Variants in DDX10 observed in about 807,000 individuals in gnomAD.
The protein encoded by DDX10 is DEAD-box helicase 10, also known as probable ATP-dependent RNA helicase DDX10.
Under a neutral mutation model 104.3 loss-of-function variants are expected in DDX10, and 74 were observed. The observed-to-expected ratio is 0.71, with a 90% confidence interval of 0.59 to 0.86. The LOEUF is 0.86. DDX10 is among the 40% of genes least tolerant of loss of function. The pLI is 0.00. For synonymous variants in DDX10, 351 were observed against 353.4 expected, an observed-to-expected ratio of 0.99 and a Z score of 0.08; for missense variants, 952 against 1,040.0, an observed-to-expected ratio of 0.92 and a Z score of 1.16.
At chr11:108,680,322 C>T (rs1187564315) in intron 6 of DDX10, among the ~76,000 whole-genome samples, 2 of 152,182 alleles carry the variant, frequency 1.3e-5, no homozygotes, top group Non-Finnish European at 2.9e-5. Flanking sequence ...TCAAACAATC[C>T]TCCTGCTTCA....
At chr11:108,697,364 G>A (rs1407707605) in intron 9 of DDX10, among the ~76,000 whole-genome samples, 1 of 151,460 alleles carries the variant, frequency 6.6e-6, no homozygotes, top group East Asian at 1.9e-4. Flanking sequence ...TTAAAATCCT[G>A]TGTATTTGGC....
intron 13 of DDX10, among the ~76,000 whole-genome samples, chr11:108,818,352 A>G (rs1862282465): frequency 6.6e-6 from 1 of 152,216 alleles, no homozygotes; most frequent in South Asian, 2.1e-4. Context: ...ATAGCTGACC[A>G]TAGTAACTAT....
chr11:108,937,690 T>C (rs1316061972), intron 17 of DDX10, among the ~76,000 whole-genome samples: 2 of 152,314 alleles, frequency 1.3e-5, no homozygotes, highest in Non-Finnish European at 2.9e-5. Flanking sequence ...TTGTATGATA[T>C]GTCCTTTAAA....
At chr11:108,758,102 C>A (rs2094346670) in intron 13 of DDX10, among the ~76,000 whole-genome samples, 1 of 151,930 alleles carries the variant, frequency 6.6e-6, no homozygotes, top group Admixed American at 6.6e-5. Flanking sequence ...CATCCCCCTG[C>A]TCAACTGTTT....
At chr11:108,678,497 A>T in intron 5 of DDX10, 62 bp downstream of exon 5, 1 of 1,384,916 alleles carries the variant, frequency 7.2e-7, no homozygotes, top group Non-Finnish European at 9.6e-7. Flanking sequence ...GAGAGCCCTT[A>T]TACATTTTTA....
chr11:108,666,727 C>T (rs758607350), intron 1 of DDX10, among the ~76,000 whole-genome samples: 5 of 152,168 alleles, frequency 3.3e-5, no homozygotes, highest in African/African-American at 4.8e-5. Context: ...ATCTCTGTTC[C>T]TCTGTTATAA....
At chr11:108,696,473 G>A (rs557634348) in intron 9 of DDX10, among the ~76,000 whole-genome samples, 2 of 151,988 alleles carry the variant, frequency 1.3e-5, no homozygotes, top group African/African-American at 4.8e-5. Context: ...CACAGTGCCC[G>A]GCGAGTACCT....
intron 6 of DDX10, among the ~76,000 whole-genome samples, chr11:108,684,272 A>G (rs995896711): frequency 1.2e-4 from 18 of 146,394 alleles, no homozygotes; most frequent in Non-Finnish European, 1.5e-5. Flanking sequence ...TACATGTGCC[A>G]TGCTGGTGCG....
chr11:108,853,195 T>TG lies in DDX10; in HGVS notation c.2304+988dup, dbSNP rs538962914. On this transcript the variant is annotated intron_variant, in intron 16 of 17. Coordinates refer to ENST00000322536, the MANE Select transcript of DDX10 (RefSeq NM_004398.4). ...TGTGCAGCCTGACTGCTAAATAAGG[T>TG]GGAGGCTTCTGCATATGCTTTAACG... Among the ~76,000 whole-genome samples, 405 of 152,248 alleles carry TG rather than the reference T, an allele frequency of 2.7e-3. 4 individuals carry two copies. Among genetic ancestry groups the TG allele is most frequent in the Non-Finnish European group, 3.6e-3 (248 of 68,022 alleles).
chr11:108,711,703 T>C (rs1203969380), intron 10 of DDX10, among the ~76,000 whole-genome samples: 6 of 152,242 alleles, frequency 3.9e-5, no homozygotes, highest in African/African-American at 1.4e-4. Context: ...ATTTTAATTT[T>C]GTTAAGATGT....
chr11:108,881,871 G>A (rs1057284838), intron 16 of DDX10, among the ~76,000 whole-genome samples: 2 of 152,094 alleles, frequency 1.3e-5, no homozygotes, highest in African/African-American at 4.8e-5. Context: ...TAGATAAATA[G>A]TCTATATAGA....
intron 13 of DDX10, among the ~76,000 whole-genome samples, chr11:108,830,633 G>C (rs1470380288): frequency 1.3e-5 from 2 of 152,024 alleles, no homozygotes; most frequent in Non-Finnish European, 1.5e-5. Flanking sequence ...CCAGTTCTCA[G>C]GGGGGGAATG....
chr11:108,861,985 C>G (rs1426342517), intron 16 of DDX10, among the ~76,000 whole-genome samples: 1 of 152,066 alleles, frequency 6.6e-6, no homozygotes, highest in Non-Finnish European at 1.5e-5. Flanking sequence ...AAAGATTGCA[C>G]CACCGCACTC....
At chr11:108,864,134 A>T (rs1862975712) in intron 16 of DDX10, among the ~76,000 whole-genome samples, 1 of 152,198 alleles carries the variant, frequency 6.6e-6, no homozygotes, top group African/African-American at 2.4e-5. Context: ...GAATCACATT[A>T]AAAAATGTGA....
At chr11:108,794,095 T>C (rs1861907311) in intron 13 of DDX10, among the ~76,000 whole-genome samples, 1 of 152,204 alleles carries the variant, frequency 6.6e-6, no homozygotes, top group Non-Finnish European at 1.5e-5. Context: ...GATACTTAGA[T>C]TGATTCCATA....
At chr11:108,922,830 A>AC (rs1484299015) in intron 17 of DDX10, among the ~76,000 whole-genome samples, 1 of 152,174 alleles carries the variant, frequency 6.6e-6, no homozygotes, top group African/African-American at 2.4e-5. Flanking sequence ...CTTTAAGAAT[A>AC]CCCCCATGAA....
intron 13 of DDX10, among the ~76,000 whole-genome samples, chr11:108,740,330 T>C (rs542815880): frequency 6.6e-6 from 1 of 152,216 alleles, no homozygotes; most frequent in Non-Finnish European, 1.5e-5. Flanking sequence ...TTATTTTTTA[T>C]GGCTGCATAG....
chr11:108,893,681 C>T (rs1288316694), intron 16 of DDX10, among the ~76,000 whole-genome samples: 2 of 151,446 alleles, frequency 1.3e-5, no homozygotes, highest in Non-Finnish European at 2.9e-5. Flanking sequence ...AAATATTTAT[C>T]TTTAAATAAT....
intron 13 of DDX10, among the ~76,000 whole-genome samples, chr11:108,736,932 G>A (rs2094319142): frequency 6.6e-6 from 1 of 152,208 alleles, no homozygotes; most frequent in South Asian, 2.1e-4. Flanking sequence ...TTAAGAAGAA[G>A]AATTAATATA....
Sources: allele counts gnomAD v4.1 joint callset (sites outside exome capture counted in the v4.1 genomes callset), GRCh38; gene constraint gnomAD v4.1.1; transcripts MANE v1.5; gene names NCBI Gene and HGNC (gene_info 2026-07-23, HGNC 2026-07-21).